Variants in ABI1 observed in about 807,000 individuals in gnomAD.
ABI1 encodes the protein abl interactor 1, also known as Abelson interactor 1.
ABI1 carries 14 observed loss-of-function variants against 54.6 expected under a neutral mutation model. The observed-to-expected ratio is 0.26, with a 90% CI of 0.17 to 0.40. The LOEUF is 0.40. Among genes scored for constraint, ABI1 ranks in the 10% least tolerant of loss-of-function variants. The pLI, the probability that ABI1 is intolerant of heterozygous loss-of-function variation, is 1.00. For missense variants in ABI1, 443 were observed against 598.3 expected (o/e 0.74, Z 2.71); for synonymous variants, 194 against 209.3 (o/e 0.93, Z 0.63).
chr10:26,813,691 A>G (rs181790506), intron 2 of ABI1, among the ~76,000 whole-genome samples: 141 of 148,978 alleles, frequency 9.5e-4, no homozygotes, highest in African/African-American at 3.2e-3. Context: ...TGAATGAAGA[A>G]GCAGACATGA....
At chr10:26,798,851 CAT>C (rs1480706842) in intron 2 of ABI1, among the ~76,000 whole-genome samples, 1 of 151,734 alleles carries the variant, frequency 6.6e-6, no homozygotes, top group Non-Finnish European at 1.5e-5. Context: ...GATCTCAACA[CAT>C]GAGATCTTAA....
chr10:26,805,729 G>C (rs926312511), intron 2 of ABI1, among the ~76,000 whole-genome samples: 2 of 152,192 alleles, frequency 1.3e-5, no homozygotes, highest in African/African-American at 4.8e-5. Context: ...TATCACGTCA[G>C]TCTGCCATCT....
Position 26,823,160 on chromosome 10 carries a change from G to A in ABI1, c.263C>T (p.Ser88Phe), listed in dbSNP as rs904430503. ...IQASQLRRME[S>F]SINHISQTVD... ...TACCTGTGAGATATGATTGATGGAA[G>A]ACTCCATTCTCCGAAGCTGAGAGGC... is the stretch of plus-strand genomic sequence containing the variant. The change falls in exon 2 of 11, where the codon TCT becomes TTT. Residue 88 changes from serine to phenylalanine, a missense_variant. By Grantham distance (155) the Ser-to-Phe change is radical. Around this residue, in one of 2 missense-constraint regions of ABI1, gnomAD observed 394 missense variants for 484.8 expected, o/e 0.81. Coordinates refer to ENST00000376140, the MANE Select transcript of ABI1 (RefSeq NM_001012750.3). 6 of 1,596,982 alleles carry A rather than the reference G, an allele frequency of 3.8e-6. No homozygotes were observed. Among genetic ancestry groups the A allele is most frequent in the Non-Finnish European group, 4.3e-6 (5 of 1,175,008 alleles).
chr10:26,791,773 G>T (rs1410644812), intron 2 of ABI1, among the ~76,000 whole-genome samples: 1 of 152,068 alleles, frequency 6.6e-6, no homozygotes, highest in East Asian at 1.9e-4. Context: ...TTTGAGTAGA[G>T]CAACTATTTT....
intron 2 of ABI1, among the ~76,000 whole-genome samples, chr10:26,812,834 C>A (rs1163470470): frequency 1.3e-5 from 2 of 152,202 alleles, no homozygotes; most frequent in Non-Finnish European, 2.9e-5. Context: ...AAGACCCCAT[C>A]TCCAAATACA....
chr10:26,782,801 CA>C (rs1200848643), intron 2 of ABI1, among the ~76,000 whole-genome samples: 1 of 151,268 alleles, frequency 6.6e-6, no homozygotes, highest in South Asian at 2.1e-4. Context: ...TAGGGCAATG[CA>C]AATCAAAACC....
At chr10:26,783,868 C>T (rs747627305) in intron 2 of ABI1, among the ~76,000 whole-genome samples, 5 of 152,116 alleles carry the variant, frequency 3.3e-5, no homozygotes, top group Non-Finnish European at 7.3e-5. Context: ...ATAAAAGGGT[C>T]TCTGTAAGTT....
At chr10:26,758,948 A>AT in intron 8 of ABI1, 114 bp downstream of exon 8, 2 of 1,102,510 alleles carry the variant, frequency 1.8e-6, no homozygotes, top group East Asian at 4.8e-5. Flanking sequence ...AAAAATAAAC[A>AT]TGAAACATCA....
chr10:26,825,441 A>G (rs527951161), intron 1 of ABI1, among the ~76,000 whole-genome samples: 1 of 152,146 alleles, frequency 6.6e-6, no homozygotes, highest in East Asian at 1.9e-4. Flanking sequence ...CGGGAGGATT[A>G]CCTGAGGTCA....
intron 7 of ABI1, among the ~76,000 whole-genome samples, chr10:26,760,069 A>G (rs559181371): frequency 1.3e-5 from 2 of 151,786 alleles, no homozygotes; most frequent in Non-Finnish European, 2.9e-5. Flanking sequence ...AGTACATCCA[A>G]AGAATCTGCT....
intron 2 of ABI1, among the ~76,000 whole-genome samples, chr10:26,807,809 C>A (rs146642543): frequency 0.015 from 2,266 of 152,080 alleles, 43 homozygotes; most frequent in African/African-American, 0.046. Flanking sequence ...ATAGCAAACC[C>A]AGCCGGGCAT....
chr10:26,813,585 C>T (rs1012714713), intron 2 of ABI1, among the ~76,000 whole-genome samples: 1 of 152,166 alleles, frequency 6.6e-6, no homozygotes, highest in East Asian at 1.9e-4. Flanking sequence ...TCTAAAGACT[C>T]CTGAAGTTCC....
chr10:26,758,153 A>C (rs1328073168), intron 8 of ABI1, among the ~76,000 whole-genome samples: 1 of 151,734 alleles, frequency 6.6e-6, no homozygotes, highest in Non-Finnish European at 1.5e-5. Flanking sequence ...AATAAAAAGA[A>C]CTTAAAGCAA....
intron 1 of ABI1, among the ~76,000 whole-genome samples, chr10:26,847,624 T>TA (rs926240908): frequency 2.7e-5 from 4 of 150,794 alleles, no homozygotes; most frequent in African/African-American, 7.3e-5. Context: ...ACCCTGTCTT[T>TA]AAAAAAAACA....
chr10:26,761,649 TATATATATATATAC>T (rs1417428838), intron 7 of ABI1, among the ~76,000 whole-genome samples: 5 of 115,554 alleles, frequency 4.3e-5, no homozygotes, highest in South Asian at 5.4e-4. Flanking sequence ...TATATATATA[TATATATATATATAC>T]ACACACACAT....
At chr10:26,775,343 C>T (rs1013503626) in intron 3 of ABI1, among the ~76,000 whole-genome samples, 5 of 152,082 alleles carry the variant, frequency 3.3e-5, no homozygotes, top group African/African-American at 1.2e-4. Context: ...TTCTCACAGA[C>T]CATGCACCTT....
chr10:26,785,363 G>A (rs1308205096), intron 2 of ABI1, among the ~76,000 whole-genome samples: 1 of 152,168 alleles, frequency 6.6e-6, no homozygotes, highest in Non-Finnish European at 1.5e-5. Flanking sequence ...TGGTCTTGAG[G>A]GATCAAGAAA....
intron 6 of ABI1, among the ~76,000 whole-genome samples, chr10:26,768,055 A>G (rs1404017071): frequency 6.6e-6 from 1 of 151,876 alleles, no homozygotes; most frequent in Admixed American, 6.6e-5. Flanking sequence ...CCAAAAAGAT[A>G]ATAATAATAT....
chr10:26,819,520 CA>C (rs2133737857), intron 2 of ABI1, among the ~76,000 whole-genome samples: 1 of 152,186 alleles, frequency 6.6e-6, no homozygotes, highest in African/African-American at 2.4e-5. Flanking sequence ...ATTGATAAAA[CA>C]ATTAGATAGA....
Sources: allele counts gnomAD v4.1 joint callset (sites outside exome capture counted in the v4.1 genomes callset), GRCh38; gene constraint gnomAD v4.1.1; regional missense constraint gnomAD v4.1.1; transcripts MANE v1.5; gene names NCBI Gene and HGNC (gene_info 2026-07-23, HGNC 2026-07-21).